The following CREBBP variants were observed in gnomAD, a reference collection of about 807,000 sequenced individuals.
CREBBP encodes the protein CREB-binding protein.
In CREBBP, 19 loss-of-function variants were observed where a neutral mutation model predicts 265.0. The observed-to-expected ratio is 0.07, with a 90% CI of 0.05 to 0.11. CREBBP has a LOEUF of 0.11. CREBBP is among the 10% of genes least tolerant of loss of function. The pLI is 1.00. For missense variants in CREBBP, 2,525 were observed against 3,219.0 expected, an observed-to-expected ratio of 0.78 and a Z score of 5.22; for synonymous variants, 1,457 against 1,223.7, an observed-to-expected ratio of 1.19 and a Z score of -3.98.
At chr16:3,836,536 G>T (rs1239912701) in intron 2 of CREBBP, among the ~76,000 whole-genome samples, 1 of 152,060 alleles carries the variant, frequency 6.6e-6, no homozygotes, top group South Asian at 2.1e-4. Flanking sequence ...GAACTTTCTG[G>T]GCTAAGAGAA....
At position 3,793,593 on chromosome 16, in the gene CREBBP, T is replaced by C. The variant is rs2053548587; in HGVS notation, c.1009A>G (p.Thr337Ala). 1.9e-6 allele frequency: 3 copies of C among 1,613,604 alleles called. No homozygotes were observed. Among genetic ancestry groups the C allele is most frequent in the South Asian group, 2.2e-5 (2 of 91,052 alleles). The part of the protein sequence containing the change: ...QMQTSVGIVP[T>A]QAIATGPTAD... ...GTGGGGCCTGTTGCAATTGCTTGTG[T>C]GGGTACAATTCCCACTGATGTTTGC... The change falls in exon 4 of 31, where the codon ACA becomes GCA. Residue 337 changes from threonine to alanine, a missense_variant. Thr to Ala is a moderately conservative substitution (Grantham distance 58). Around this residue, in one of 19 missense-constraint regions of CREBBP, gnomAD observed 126 missense variants for 171.9 expected, o/e 0.73. Transcript: ENST00000262367.
intron 5 of CREBBP, among the ~76,000 whole-genome samples, chr16:3,789,145 C>A (rs940338526): frequency 6.6e-6 from 1 of 152,176 alleles, no homozygotes; most frequent in East Asian, 1.9e-4. Context: ...GTAAGACCAG[C>A]GCTGGCCTGT....
At chr16:3,746,335 C>T (rs191441504) in intron 21 of CREBBP, among the ~76,000 whole-genome samples, 1 of 151,714 alleles carries the variant, frequency 6.6e-6, no homozygotes, top group Admixed American at 6.5e-5. Context: ...AGAAAAGACA[C>T]ACACACAGAT....
intron 2 of CREBBP, among the ~76,000 whole-genome samples, chr16:3,822,125 C>A (rs905559237): frequency 2.0e-5 from 3 of 152,102 alleles, no homozygotes; most frequent in Non-Finnish European, 2.9e-5. Flanking sequence ...TATGGCCCAG[C>A]GGGACAGAGG....
intron 27 of CREBBP, 150 bp from the exon 28 acceptor site, chr16:3,736,353 C>G (rs1016117924): frequency 1.2e-6 from 1 of 855,582 alleles, no homozygotes; most frequent in Non-Finnish European, 1.9e-6. Flanking sequence ...AGCAGACCCC[C>G]ACACATGTGC....
chr16:3,762,847 T>C (rs773446308), intron 16 of CREBBP, among the ~76,000 whole-genome samples: 13 of 151,374 alleles, frequency 8.6e-5, no homozygotes, highest in Non-Finnish European at 1.5e-4. Flanking sequence ...CGATCTCGGC[T>C]CACTGCAAGC....
intron 2 of CREBBP, among the ~76,000 whole-genome samples, chr16:3,823,139 G>A (rs1238795197): frequency 2.0e-5 from 3 of 152,142 alleles, no homozygotes; most frequent in African/African-American, 7.2e-5. Flanking sequence ...TTCTCTGGAT[G>A]GCTTGTAAGC....
At chr16:3,737,480 G>A (rs1391332040) in intron 26 of CREBBP, among the ~76,000 whole-genome samples, 1 of 151,554 alleles carries the variant, frequency 6.6e-6, no homozygotes, top group East Asian at 1.9e-4. Flanking sequence ...CGGGCGGGGG[G>A]CAGAGTTTCA....
At chr16:3,854,243 T>A (rs2054914796) in intron 1 of CREBBP, among the ~76,000 whole-genome samples, 1 of 152,212 alleles carries the variant, frequency 6.6e-6, no homozygotes, top group African/African-American at 2.4e-5. Context: ...AGGACCATTG[T>A]GGAAAAGGTG....
intron 2 of CREBBP, among the ~76,000 whole-genome samples, chr16:3,828,969 GAATA>G (rs1340664976): frequency 3.3e-5 from 5 of 151,468 alleles, no homozygotes; most frequent in Non-Finnish European, 7.4e-5. Context: ...TATTCAGGAA[GAATA>G]AATATAGTAA....
chr16:3,774,502 T>C (rs2053088715), intron 12 of CREBBP, 67 bp downstream of exon 12: 1 of 1,606,414 alleles, frequency 6.2e-7, no homozygotes. Flanking sequence ...ACATGAATTC[T>C]GCTGCTTAGA....
chr16:3,757,732 G>C, intron 18 of CREBBP, 77 bp downstream of exon 18: 1 of 1,585,236 alleles, frequency 6.3e-7, no homozygotes. Context: ...ATACAGGCGT[G>C]GTCTCATATT....
chr16:3,812,159 C>G (rs1259097954), intron 2 of CREBBP, among the ~76,000 whole-genome samples: 1 of 151,866 alleles, frequency 6.6e-6, no homozygotes, highest in Non-Finnish European at 1.5e-5. Context: ...CTCTCTACCA[C>G]TGTACAGGTG....
chr16:3,875,082 G>A (rs1346979183), intron 1 of CREBBP, among the ~76,000 whole-genome samples: 1 of 152,186 alleles, frequency 6.6e-6, no homozygotes, highest in Non-Finnish European at 1.5e-5. Context: ...ACACTACTTA[G>A]AAGCTGTGAA....
At chr16:3,779,933 G>GTCTC (rs920866230) in intron 8 of CREBBP, among the ~76,000 whole-genome samples, 1 of 151,724 alleles carries the variant, frequency 6.6e-6, no homozygotes, top group Admixed American at 6.6e-5. Context: ...GCAAGACTCC[G>GTCTC]TCTCTCTCTC....
At chr16:3,813,308 C>T (rs1555489752) in intron 2 of CREBBP, among the ~76,000 whole-genome samples, 1 of 152,230 alleles carries the variant, frequency 6.6e-6, no homozygotes, top group Non-Finnish European at 1.5e-5. Context: ...ACTAATTCTT[C>T]TGCAAGTCCA....
intron 5 of CREBBP, among the ~76,000 whole-genome samples, chr16:3,788,686 C>T (rs2053442017): frequency 6.6e-6 from 1 of 152,226 alleles, no homozygotes; most frequent in Admixed American, 6.5e-5. Context: ...CGCGGTGGCT[C>T]ACGCCTCTAA....
chr16:3,828,441 A>C (rs1002137734), intron 2 of CREBBP, among the ~76,000 whole-genome samples: 1 of 152,228 alleles, frequency 6.6e-6, no homozygotes, highest in South Asian at 2.1e-4. Context: ...CTGAATTAGT[A>C]TTTCAGATTA....
chr16:3,770,222 C>A (rs564991045), intron 14 of CREBBP, among the ~76,000 whole-genome samples: 5 of 151,992 alleles, frequency 3.3e-5, no homozygotes, highest in Non-Finnish European at 5.9e-5. Flanking sequence ...CGCTCTGTTG[C>A]CCAGGCTGGA....
Sources: allele counts gnomAD v4.1 joint callset (sites outside exome capture counted in the v4.1 genomes callset), GRCh38; gene constraint gnomAD v4.1.1; regional missense constraint gnomAD v4.1.1; transcripts MANE v1.5; gene names NCBI Gene and HGNC (gene_info 2026-07-23, HGNC 2026-07-21).